NDUFV3: variants seen among roughly 807,000 people sequenced by gnomAD.
NDUFV3 encodes NADH dehydrogenase [ubiquinone] flavoprotein 3, mitochondrial.
NDUFV3 carries 44 observed loss-of-function variants against 37.5 expected under a neutral mutation model. That is an observed-to-expected ratio of 1.17 (90% confidence interval 0.92 to 1.51). The LOEUF is 1.51. Among genes scored for constraint, NDUFV3 ranks in the 40% most tolerant of loss-of-function variants. The pLI is 0.00. For synonymous variants in NDUFV3, 235 were observed against 239.3 expected (o/e 0.98, Z 0.17); for missense variants, 580 against 580.4 (o/e 1.00, Z 0.01).
At position 42,913,071 on chromosome 21, in the gene NDUFV3, AAATT is replaced by A. The variant is rs1368257582; in HGVS notation, c.*4061_*4064del. On this transcript the variant is annotated 3_prime_UTR_variant, in exon 4 of 4. Transcript: ENST00000354250. Reference sequence around the variant, plus strand: ...AGAGCAAGACTCCGTCTCAAAAAATAAATTAATTAATTAAATTAAATAAGTGGGT... The same window carrying A: ...AGAGCAAGACTCCGTCTCAAAAAATAAATTAATTAAATTAAATAAGTGGGT... 8.5e-5 allele frequency: 13 copies of A among 152,162 alleles called. No homozygotes were observed. Among genetic ancestry groups the A allele is most frequent in the African/African-American group, 2.9e-4 (12 of 41,440 alleles). 9.4% of individuals were successfully genotyped at this position (152,162 alleles called of 1,614,324 possible).
Position 42,903,953 on chromosome 21 carries a change from A to G in NDUFV3, c.941A>G (p.Glu314Gly). The change falls in exon 3 of 4, where the codon GAA becomes GGA. Residue 314 changes from glutamate to glycine, a missense_variant. Transcript: ENST00000354250. ...AGCCCAGCGCCTGCTGTGTTGGCAGAAGAGGCCAGAGCAGAGGGGCAGCTG... is the reference window on the plus strand; with the variant it reads ...AGCCCAGCGCCTGCTGTGTTGGCAGGAGAGGCCAGAGCAGAGGGGCAGCTG... ...KGSPAPAVLAEEARAEGQLQA... is the reference protein window; with the variant it reads ...KGSPAPAVLAGEARAEGQLQA... 6.2e-7 allele frequency: 1 copy of G among 1,613,688 alleles called. No homozygotes were observed. Among genetic ancestry groups the G allele is most frequent in the Admixed American group, 1.7e-5 (1 of 60,006 alleles).
Position 42,896,992 on chromosome 21 carries a change from A to G in NDUFV3, c.114A>G (p.Ser38=), listed in dbSNP as rs1302995083. ...CTACGGTTTCTTTGTCTGCGGAATC[A>G]GGGAAGAGTGAAAAGGGTCAGCCAC... ...LASTVSLSAE[S]GKSEKGQPQN... The change falls in exon 2 of 4, where the codon TCA becomes TCG. Residue 38 remains serine, a synonymous_variant. Transcript: ENST00000354250. The G allele has an allele frequency of 7.4e-6, 12 of 1,614,054 alleles. No individual in the cohort carries two copies. The highest frequency in any genetic ancestry group is 1.3e-5 in the African/African-American group (1 of 74,936).
intron 2 of NDUFV3, among the ~76,000 whole-genome samples, chr21:42,899,808 G>A (rs539619286): frequency 6.7e-6 from 1 of 150,264 alleles, no homozygotes; most frequent in Non-Finnish European, 1.5e-5. Flanking sequence ...TTGAACTCCC[G>A]ACCTCAGATG....
rs1218627493 is a variant in NDUFV3 at position 42,896,181 on chromosome 21, G to C, written c.49-746G>C. On this transcript the variant is annotated intron_variant, in intron 1 of 3. Transcript: ENST00000354250. ...TTTTTTTTTTTTTTTTTTTGCGACAGAGTCTTGCTCTGTCGCCCAGGCTAG... is the reference window on the plus strand; with the variant it reads ...TTTTTTTTTTTTTTTTTTTGCGACACAGTCTTGCTCTGTCGCCCAGGCTAG... Among the ~76,000 whole-genome samples the C allele has an allele frequency of 3.3e-5, 4 of 119,510 alleles. No individual in the cohort carries two copies. In the Admixed American group the frequency reaches 4.2e-4, roughly 13 times the overall value. 78.4% of individuals were successfully genotyped at this position (119,510 alleles called of 152,430 possible). A position where few individuals can be genotyped will look rare whatever the true frequency, so the allele number is the denominator to read the frequency against.
Position 42,894,478 on chromosome 21 carries a change from TA to T in NDUFV3, c.48+1098del, listed in dbSNP as rs1444732212. Among the ~76,000 whole-genome samples, 99 of 63,382 alleles carry T rather than the reference TA, an allele frequency of 1.6e-3. 5 individuals carry two copies. In the South Asian group the frequency reaches 0.026, roughly 17 times the overall value. The allele number at this position is 63,382 out of a possible 152,430, so 41.6% of individuals were successfully genotyped here. On this transcript the variant is annotated intron_variant, in intron 1 of 3. Coordinates refer to ENST00000354250, the MANE Select transcript of NDUFV3 (RefSeq NM_021075.4). Reference sequence around the variant, plus strand: ...TATGTTTATATAAATATATATTATATATTTATATATTTATATAATATATAAT... The same window carrying T: ...TATGTTTATATAAATATATATTATATTTTATATATTTATATAATATATAAT...
chr21:42,910,106 A>G lies in NDUFV3; in HGVS notation c.*1085A>G, dbSNP rs2058762965. 1 of 151,856 alleles carries G rather than the reference A, an allele frequency of 6.6e-6. No homozygotes were observed. Among genetic ancestry groups the G allele is most frequent in the African/African-American group, 2.4e-5 (1 of 41,374 alleles). 9.4% of individuals were successfully genotyped at this position (151,856 alleles called of 1,614,324 possible). ...TTTGGGAGGGCGAGGCGGGTGGAGC[A>G]CCTGAGGTCAGGAGTTGAGACCGGC... On this transcript the variant is annotated 3_prime_UTR_variant, in exon 4 of 4. Coordinates refer to ENST00000354250, the MANE Select transcript of NDUFV3 (RefSeq NM_021075.4).
intron 2 of NDUFV3, among the ~76,000 whole-genome samples, chr21:42,902,968 A>G (rs2058723092): frequency 6.6e-6 from 1 of 152,214 alleles, no homozygotes; most frequent in East Asian, 1.9e-4. Context: ...ATGTCAAGGA[A>G]AAAAGTTTGT....
At position 42,912,805 on chromosome 21, in the gene NDUFV3, T is replaced by C; in HGVS notation, c.*3784T>C. 1 of 150,258 alleles carries C rather than the reference T, an allele frequency of 6.7e-6. No individual in the cohort carries two copies. The highest frequency in any genetic ancestry group is 1.5e-5 in the Non-Finnish European group (1 of 67,824). 9.3% of individuals were successfully genotyped at this position (150,258 alleles called of 1,614,324 possible). A position where few individuals can be genotyped will look rare whatever the true frequency, so the allele number is the denominator to read the frequency against. On this transcript the variant is annotated 3_prime_UTR_variant, in exon 4 of 4. Coordinates refer to ENST00000354250, the MANE Select transcript of NDUFV3 (RefSeq NM_021075.4). ...TACTTGGGAGGCTGAGGCAGGAGAATGGCGTGAACCCAGGAGGCGGAGCTT... is the reference window on the plus strand; with the variant it reads ...TACTTGGGAGGCTGAGGCAGGAGAACGGCGTGAACCCAGGAGGCGGAGCTT...
chr21:42,899,578 G>A (rs2058710195), intron 2 of NDUFV3, among the ~76,000 whole-genome samples: 1 of 152,142 alleles, frequency 6.6e-6, no homozygotes, highest in East Asian at 1.9e-4. Context: ...CCGAATAGCT[G>A]GGACTACAGG....
rs2058766152 is a variant in NDUFV3 at position 42,910,644 on chromosome 21, T to C, written c.*1623T>C. On this transcript the variant is annotated 3_prime_UTR_variant, in exon 4 of 4. Transcript: ENST00000354250. ...GGACGGAGTAGGAAGAGGTGAAGTTTCGTGCGGTGCAGGGACGGAGTAGGA... is the reference window on the plus strand; with the variant it reads ...GGACGGAGTAGGAAGAGGTGAAGTTCCGTGCGGTGCAGGGACGGAGTAGGA... 1.2e-5 allele frequency: 2 copies of C among 162,542 alleles called. No individual in the cohort carries two copies. Among genetic ancestry groups the C allele is most frequent in the Non-Finnish European group, 1.4e-5 (1 of 72,800 alleles). The allele number at this position is 162,542 out of a possible 1,614,324, so 10.1% of individuals were successfully genotyped here.
chr21:42,906,984 T>C (rs1568861470), intron 3 of NDUFV3: 1 of 448,454 alleles, frequency 2.2e-6, no homozygotes, highest in Non-Finnish European at 4.4e-6. Flanking sequence ...AGAAAATAAA[T>C]GTATTTAGGT....
At chr21:42,905,660 C>T (rs1298341328) in intron 3 of NDUFV3, among the ~76,000 whole-genome samples, 1 of 151,706 alleles carries the variant, frequency 6.6e-6, no homozygotes, top group African/African-American at 2.4e-5. Flanking sequence ...GGATTACAGG[C>T]GTGTGGCACC....
chr21:42,898,573 G>A (rs991264135), intron 2 of NDUFV3, among the ~76,000 whole-genome samples: 1 of 151,986 alleles, frequency 6.6e-6, no homozygotes, highest in African/African-American at 2.4e-5. Context: ...AAGCTCAAGT[G>A]ATCCTCCCAC....
At chr21:42,903,109 T>A (rs964560605) in intron 2 of NDUFV3, 73 bp from the exon 3 acceptor site, 3 of 1,576,138 alleles carry the variant, frequency 1.9e-6, no homozygotes, top group Admixed American at 1.7e-5. Context: ...TAATGTGTCA[T>A]GAAATGTCTG....
chr21:42,906,994 T>G (rs2058745022), intron 3 of NDUFV3: 2 of 431,508 alleles, frequency 4.6e-6, no homozygotes, highest in South Asian at 3.4e-5. Context: ...TGTATTTAGG[T>G]TATTTTTTTG....
At chr21:42,896,435 C>A (rs187515805) in intron 1 of NDUFV3, among the ~76,000 whole-genome samples, 1 of 151,820 alleles carries the variant, frequency 6.6e-6, no homozygotes, top group Non-Finnish European at 1.5e-5. Flanking sequence ...GGATTACAGT[C>A]GCACCGCGCC....
At chr21:42,905,271 A>G (rs73233326) in intron 3 of NDUFV3, among the ~76,000 whole-genome samples, 6,886 of 152,294 alleles carry the variant, frequency 0.045, 221 homozygotes, top group Non-Finnish European at 0.069. Flanking sequence ...TAACTTGCAT[A>G]GGTGAAGAGC....
Sources: gnomAD v4.1 joint callset for allele counts (sites outside exome capture counted in the v4.1 genomes callset) on GRCh38, gnomAD v4.1.1 for gene constraint, MANE v1.5 for transcripts, NCBI Gene and HGNC (gene_info 2026-07-23, HGNC 2026-07-21) for gene names.